Variants in ESYT2 observed in about 807,000 individuals in gnomAD.
The protein encoded by ESYT2 is extended synaptotagmin 2.
In ESYT2, 54 loss-of-function variants were observed where a neutral mutation model predicts 107.2. The ratio of observed to expected loss-of-function variants is 0.50; its 90% CI spans 0.40 to 0.63. ESYT2 has a LOEUF of 0.63. Among genes scored for constraint, ESYT2 ranks in the 30% least tolerant of loss-of-function variants. ESYT2 has a pLI of 0.00. For missense variants in ESYT2, 1,020 were observed against 1,094.5 expected (o/e 0.93, Z 0.96); for synonymous variants, 491 against 434.1 (o/e 1.13, Z -1.63).
intron 17 of ESYT2, among the ~76,000 whole-genome samples, chr7:158,743,050 A>G (rs374685049): frequency 1.3e-5 from 2 of 152,190 alleles, no homozygotes; most frequent in East Asian, 3.9e-4. Context: ...TGCCAGTTTT[A>G]CTTTCAATAT....
At chr7:158,783,155 G>C (rs1317594940) in intron 6 of ESYT2, among the ~76,000 whole-genome samples, 1 of 152,130 alleles carries the variant, frequency 6.6e-6, no homozygotes, top group East Asian at 1.9e-4. Flanking sequence ...GAGCTGTTGC[G>C]GCTTTTCTAC....
chr7:158,778,291 G>A (rs990761861), intron 6 of ESYT2, among the ~76,000 whole-genome samples: 3 of 152,090 alleles, frequency 2.0e-5, no homozygotes. Flanking sequence ...GTTCCAAGTA[G>A]CTATGTGCTA....
At chr7:158,781,406 G>C (rs181818724) in intron 6 of ESYT2, among the ~76,000 whole-genome samples, 1 of 141,798 alleles carries the variant, frequency 7.1e-6, no homozygotes, top group Non-Finnish European at 1.6e-5. Flanking sequence ...CAAAGTGTGA[G>C]GTGTGAGTGT....
chr7:158,741,995 A>G (rs1393793589), intron 17 of ESYT2, 99 bp from the exon 18 acceptor site: 1 of 1,413,644 alleles, frequency 7.1e-7, no homozygotes, highest in African/African-American at 1.6e-5. Context: ...AAATTTCTTT[A>G]AAACTTAGCT....
chr7:158,796,912 CGGG>C (rs1839476587), intron 3 of ESYT2, among the ~76,000 whole-genome samples: 8 of 141,926 alleles, frequency 5.6e-5, no homozygotes, highest in South Asian at 4.8e-4. Context: ...CCGACAGAGA[CGGG>C]AAAAGGCACC....
At chr7:158,756,914 T>TAAAAAAG (rs1563629848) in intron 13 of ESYT2, among the ~76,000 whole-genome samples, 1 of 98,804 alleles carries the variant, frequency 1.0e-5, no homozygotes, top group Non-Finnish European at 2.0e-5. Flanking sequence ...CATCTCAAAT[T>TAAAAAAG]AAAAAAAAAA....
At chr7:158,766,188 G>C (rs1838158996) in intron 8 of ESYT2, among the ~76,000 whole-genome samples, 1 of 152,106 alleles carries the variant, frequency 6.6e-6, no homozygotes, top group African/African-American at 2.4e-5. Flanking sequence ...AAAATTTACA[G>C]AGTGATATTC....
intron 4 of ESYT2, among the ~76,000 whole-genome samples, chr7:158,792,555 A>C (rs926120320): frequency 1.3e-5 from 2 of 148,474 alleles, no homozygotes; most frequent in African/African-American, 5.0e-5. Flanking sequence ...CAACCAAACA[A>C]AAACACACAT....
chr7:158,805,094 C>T (rs1839786866), intron 1 of ESYT2, among the ~76,000 whole-genome samples: 1 of 152,232 alleles, frequency 6.6e-6, no homozygotes, highest in South Asian at 2.1e-4. Flanking sequence ...CTCTCCACAT[C>T]AGTGGGGATC....
chr7:158,757,140 A>ATGC (rs751016344), intron 13 of ESYT2, among the ~76,000 whole-genome samples: 1 of 152,098 alleles, frequency 6.6e-6, no homozygotes, highest in Non-Finnish European at 1.5e-5. Context: ...TCATGGTCAG[A>ATGC]TGCTCTCCAA....
Position 158,787,986 on chromosome 7 carries a change from AAAT to A in ESYT2, c.747+15_747+17del. 3 of 1,598,596 alleles carry A rather than the reference AAAT, an allele frequency of 1.9e-6. No homozygotes were observed. Among genetic ancestry groups the A allele is most frequent in the Non-Finnish European group, 2.6e-6 (3 of 1,166,590 alleles). ...GCCACCAAATGGGAAAATAAAAATGAAATAAATATTGACTTACTGGTTTCCTAA... is the reference window on the plus strand; with the variant it reads ...GCCACCAAATGGGAAAATAAAAATGAAAATATTGACTTACTGGTTTCCTAA... On this transcript the variant is annotated intron_variant, in intron 6 of 22. Coordinates refer to ENST00000275418, the MANE Select transcript of ESYT2 (RefSeq NM_001367773.1).
chr7:158,827,592 C>G (rs1563045926), intron 1 of ESYT2: 1 of 152,226 alleles, frequency 6.6e-6, no homozygotes, highest in Non-Finnish European at 1.5e-5. Flanking sequence ...ATCGGCAGAA[C>G]TGTACATTCC....
intron 6 of ESYT2, among the ~76,000 whole-genome samples, chr7:158,776,151 G>C (rs979137131): frequency 6.6e-6 from 1 of 152,192 alleles, no homozygotes; most frequent in Non-Finnish European, 1.5e-5. Context: ...AAGGTGTGCT[G>C]TCATCCAGGC....
intron 15 of ESYT2, among the ~76,000 whole-genome samples, chr7:158,749,159 T>G (rs1220200838): frequency 1.3e-5 from 2 of 152,116 alleles, no homozygotes; most frequent in African/African-American, 4.8e-5. Context: ...CAGGCTGAAG[T>G]GCAGTAGTGC....
At chr7:158,754,368 G>C (rs1256552253) in intron 13 of ESYT2, among the ~76,000 whole-genome samples, 3 of 151,596 alleles carry the variant, frequency 2.0e-5, no homozygotes, top group African/African-American at 7.3e-5. Flanking sequence ...CACCACACCC[G>C]GCTAATTTTT....
In ESYT2 at chr7:158,764,792, T is replaced by C. The variant is rs750024627; in HGVS notation, c.986A>G (p.Lys329Arg). 6.2e-7 allele frequency: 1 copy of C among 1,614,176 alleles called. No homozygotes were observed. Among genetic ancestry groups the C allele is most frequent in the South Asian group, 1.1e-5 (1 of 91,080 alleles). The stretch of plus-strand genomic sequence containing the variant: ...GTCTGACTTTCCCTTGACAAGTCCC[T>C]TAAGGTAAGTGTCTTTCCCCTGAAG... ...QDLQGKDTYLKGLVKGKSDPY... is the reference protein window; with the variant it reads ...QDLQGKDTYLRGLVKGKSDPY... Residue 329 changes from lysine (K) to arginine (R), a missense_variant, in exon 9 of 23, where the codon AAG becomes AGG. Coordinates refer to ENST00000275418, the MANE Select transcript of ESYT2 (RefSeq NM_001367773.1).
intron 13 of ESYT2, among the ~76,000 whole-genome samples, chr7:158,754,053 G>A (rs1398666917): frequency 2.0e-5 from 3 of 152,176 alleles, no homozygotes; most frequent in African/African-American, 7.2e-5. Context: ...GTGGACAGCT[G>A]TGTGGCTCTG....
At chr7:158,812,459 C>T (rs1190287453) in intron 1 of ESYT2, among the ~76,000 whole-genome samples, 2 of 152,284 alleles carry the variant, frequency 1.3e-5, no homozygotes, top group South Asian at 2.1e-4. Context: ...CAGAAAAACA[C>T]AAGTGTTGGC....
At chr7:158,765,339 T>C (rs1838120626) in intron 8 of ESYT2, among the ~76,000 whole-genome samples, 1 of 152,244 alleles carries the variant, frequency 6.6e-6, no homozygotes. Context: ...GTAGTAACTA[T>C]GCTGTTTCAT....
Sources: gnomAD v4.1 joint callset for allele counts (sites outside exome capture counted in the v4.1 genomes callset) on GRCh38, gnomAD v4.1.1 for gene constraint, MANE v1.5 for transcripts, NCBI Gene and HGNC (gene_info 2026-07-23, HGNC 2026-07-21) for gene names.